SAMMSON: variants seen among roughly 807,000 people sequenced by gnomAD.
The protein encoded by SAMMSON is survival associated mitochondrial melanoma specific oncogenic non-coding RNA.
intron 6 of SAMMSON, among the ~76,000 whole-genome samples, chr3:70,279,101 A>G (rs1438834903): frequency 6.7e-6 from 1 of 150,248 alleles, no homozygotes; most frequent in Non-Finnish European, 1.5e-5. Flanking sequence ...TCCAAATGAC[A>G]TACTAGATAG....
chr3:70,074,993 T>A (rs1447300903), intron 4 of SAMMSON: 1 of 151,994 alleles, frequency 6.6e-6, no homozygotes, highest in Non-Finnish European at 1.5e-5. Context: ...TCTTTGTTCC[T>A]CTCCTCGTAT....
At chr3:70,371,030 A>C (rs537654876) in intron 9 of SAMMSON, among the ~76,000 whole-genome samples, 2 of 152,028 alleles carry the variant, frequency 1.3e-5, no homozygotes, top group African/African-American at 4.8e-5. Flanking sequence ...ATTTTTCTGC[A>C]TGTTGCTATG....
intron 7 of SAMMSON, among the ~76,000 whole-genome samples, chr3:70,316,385 A>G (rs1172489689): frequency 2.0e-5 from 3 of 152,074 alleles, no homozygotes; most frequent in African/African-American, 7.2e-5. Flanking sequence ...TATGTCACCA[A>G]CTCAGATTAC....
chr3:70,009,220 G>A (rs1394733255), intron 1 of SAMMSON: 2 of 152,268 alleles, frequency 1.3e-5, no homozygotes, highest in Non-Finnish European at 2.9e-5. Flanking sequence ...AATGGTACCA[G>A]CTCCTCCTTG....
intron 7 of SAMMSON, among the ~76,000 whole-genome samples, chr3:70,341,304 C>G (rs767484069): frequency 2.3e-4 from 35 of 152,208 alleles, no homozygotes; most frequent in Non-Finnish European, 4.6e-4. Context: ...GTCCCAGTAG[C>G]ATCTAGGACT....
chr3:70,091,449 A>G (rs2106647514), intron 4 of SAMMSON, among the ~76,000 whole-genome samples: 1 of 152,304 alleles, frequency 6.6e-6, no homozygotes, highest in Non-Finnish European at 1.5e-5. Context: ...GGCACATCTG[A>G]CTGCTGCAGC....
intron 4 of SAMMSON, among the ~76,000 whole-genome samples, chr3:70,236,914 T>TA (rs1338646881): frequency 6.6e-6 from 1 of 152,180 alleles, no homozygotes; most frequent in Non-Finnish European, 1.5e-5. Context: ...TTTATTTATG[T>TA]AAAAAATATT....
chr3:70,067,582 A>G (rs1423724111), intron 3 of SAMMSON, among the ~76,000 whole-genome samples: 2 of 152,090 alleles, frequency 1.3e-5, no homozygotes, highest in East Asian at 1.9e-4. Flanking sequence ...TTTCCATTGT[A>G]AAAGAAGATA....
chr3:70,270,098 A>C (rs931541586), intron 6 of SAMMSON, among the ~76,000 whole-genome samples: 1 of 152,208 alleles, frequency 6.6e-6, no homozygotes, highest in Non-Finnish European at 1.5e-5. Context: ...AAGAAATCTA[A>C]TGATGCCATC....
At chr3:70,232,196 T>C (rs746130101) in intron 4 of SAMMSON, among the ~76,000 whole-genome samples, 4 of 152,196 alleles carry the variant, frequency 2.6e-5, no homozygotes, top group Admixed American at 6.5e-5. Flanking sequence ...TGATCTGCTC[T>C]GTGAGGGTGT....
chr3:70,369,582 CAG>C (rs1702949245), intron 9 of SAMMSON, among the ~76,000 whole-genome samples: 1 of 150,830 alleles, frequency 6.6e-6, no homozygotes, highest in African/African-American at 2.4e-5. Context: ...TAAGAGGAAT[CAG>C]AGAGAAGATG....
Position 70,236,673 on chromosome 3 carries a change from G to C in SAMMSON, n.508-12434G>C, listed in dbSNP as rs572659045. On this transcript the variant is annotated intron_variant and non_coding_transcript_variant, in intron 4 of 9. Transcript: ENST00000642114. Reference sequence around the variant, plus strand: ...TGCAGCGGCACAATCATGGCTCGCTGCAGTCTCAACCTCCCAGGTCCAAGC... The same window carrying C: ...TGCAGCGGCACAATCATGGCTCGCTCCAGTCTCAACCTCCCAGGTCCAAGC... 2.9e-4 allele frequency among the ~76,000 whole-genome samples: 44 copies of C among 152,176 alleles called. 1 individual carries two copies. The highest frequency in any genetic ancestry group is 3.4e-3 in the Middle Eastern group (1 of 292).
At chr3:70,101,656 A>G (rs1410486105) in intron 4 of SAMMSON, among the ~76,000 whole-genome samples, 1 of 152,134 alleles carries the variant, frequency 6.6e-6, no homozygotes, top group Middle Eastern at 3.2e-3. Context: ...AATGTATTTA[A>G]AATACCTTAC....
At chr3:70,079,465 G>A (rs979991333) in intron 4 of SAMMSON, among the ~76,000 whole-genome samples, 4 of 152,150 alleles carry the variant, frequency 2.6e-5, no homozygotes, top group East Asian at 3.9e-4. Flanking sequence ...TTGACTTCAC[G>A]ATGGTGTGAA....
At chr3:70,222,668 C>T (rs1233041348) in intron 4 of SAMMSON, among the ~76,000 whole-genome samples, 1 of 152,158 alleles carries the variant, frequency 6.6e-6, no homozygotes, top group Non-Finnish European at 1.5e-5. Flanking sequence ...ATCCTTACCA[C>T]TTAGCTAATG....
intron 4 of SAMMSON, chr3:70,120,269 TGAG>T (rs1363497814): frequency 6.6e-6 from 1 of 152,214 alleles, no homozygotes; most frequent in Non-Finnish European, 1.5e-5. Flanking sequence ...TGGAATAAGG[TGAG>T]GAGTTCAGAA....
intron 1 of SAMMSON, among the ~76,000 whole-genome samples, chr3:70,006,267 G>C (rs2066925953): frequency 6.6e-6 from 1 of 152,150 alleles, no homozygotes; most frequent in Non-Finnish European, 1.5e-5. Context: ...ATGAGCAGCT[G>C]TGCTCTCACA....
chr3:70,089,071 T>A (rs751940464), intron 4 of SAMMSON, among the ~76,000 whole-genome samples: 8 of 152,146 alleles, frequency 5.3e-5, no homozygotes, highest in Non-Finnish European at 8.8e-5. Flanking sequence ...ATATGTTTCC[T>A]CTGCACTAAA....
At chr3:70,173,176 C>A (rs1700976599) in intron 4 of SAMMSON, among the ~76,000 whole-genome samples, 1 of 151,878 alleles carries the variant, frequency 6.6e-6, no homozygotes, top group African/African-American at 2.4e-5. Context: ...TATTATTACC[C>A]TATCATATTA....
Sources: allele counts gnomAD v4.1 joint callset (sites outside exome capture counted in the v4.1 genomes callset), GRCh38; gene constraint gnomAD v4.1.1; transcripts MANE v1.5; gene names NCBI Gene and HGNC (gene_info 2026-07-23, HGNC 2026-07-21).